The following TSEN15 variants were observed in gnomAD, a reference collection of about 807,000 sequenced individuals.
TSEN15 encodes tRNA-splicing endonuclease subunit Sen15.
A neutral mutation model predicts 20.5 loss-of-function variants in TSEN15; 10 were observed. The ratio of observed to expected loss-of-function variants is 0.49; its 90% confidence interval spans 0.30 to 0.83. The LOEUF (loss-of-function observed/expected upper bound fraction) is 0.83, where lower values mean the gene tolerates loss of function less well. Ranked by LOEUF, TSEN15 falls within the 40% of genes least tolerant of loss-of-function variation. TSEN15 has a pLI of 0.06. For missense variants in TSEN15, 180 were observed against 218.6 expected (o/e 0.82, Z 1.11); for synonymous variants, 72 against 80.1 (o/e 0.90, Z 0.54).
chr1:184,062,949 A>G (rs1305101841), intron 3 of TSEN15, among the ~76,000 whole-genome samples: 2 of 152,124 alleles, frequency 1.3e-5, no homozygotes, highest in Admixed American at 1.3e-4. Context: ...GTTAAGATAC[A>G]GCTTTCTGAA....
chr1:184,062,377 C>G (rs1650489417), intron 3 of TSEN15, among the ~76,000 whole-genome samples: 1 of 152,020 alleles, frequency 6.6e-6, no homozygotes, highest in Admixed American at 6.6e-5. Flanking sequence ...GGTATAAAAT[C>G]ATATTCATAG....
Position 184,070,844 on chromosome 1 carries a change from G to C in TSEN15, c.354-1313G>C, listed in dbSNP as rs1316863613. ...CTAGTTGTAATGCAGTTCAGCATAGGTGGAAATAATTTTTTAAGGACTAAG... is the reference window on the plus strand; with the variant it reads ...CTAGTTGTAATGCAGTTCAGCATAGCTGGAAATAATTTTTTAAGGACTAAG... On this transcript the variant is annotated intron_variant, in intron 3 of 4. Coordinates refer to ENST00000645668, the MANE Select transcript of TSEN15 (RefSeq NM_052965.4). The C allele has an allele frequency of 2.4e-5, 6 of 247,916 alleles. No homozygotes were observed. In the Admixed American group the frequency reaches 3.3e-4, roughly 14 times the overall value. 15.4% of individuals were successfully genotyped at this position (247,916 alleles called of 1,614,324 possible).
At chr1:184,054,222 T>C in intron 1 of TSEN15, 132 bp from the exon 2 acceptor site, 1 of 554,642 alleles carries the variant, frequency 1.8e-6, no homozygotes, top group Non-Finnish European at 3.1e-6. Context: ...TAAGATCTTA[T>C]ATTGCCTTTT....
intron 3 of TSEN15, among the ~76,000 whole-genome samples, chr1:184,083,655 T>A (rs1379221865): frequency 6.6e-6 from 1 of 152,158 alleles, no homozygotes; most frequent in East Asian, 1.9e-4. Flanking sequence ...CCATCCCAAG[T>A]GAGATCATTA....
At chr1:184,055,133 G>A in intron 3 of TSEN15, 1 of 290,134 alleles carries the variant, frequency 3.4e-6, no homozygotes. Flanking sequence ...GCATGGTGCT[G>A]GCATCTACTC....
chr1:184,094,822 G>A (rs571648969), intron 3 of TSEN15: 70 of 388,436 alleles, frequency 1.8e-4, no homozygotes, highest in Non-Finnish European at 2.0e-4. Context: ...AAAATGTCTG[G>A]ACAGTAGGGT....
At chr1:184,071,854 TCC>T (rs1272698916) in intron 3 of TSEN15, among the ~76,000 whole-genome samples, 1 of 151,918 alleles carries the variant, frequency 6.6e-6, no homozygotes, top group African/African-American at 2.4e-5. Flanking sequence ...AAAAACAAGA[TCC>T]AACTATATGC....
chr1:184,053,916 T>C lies in TSEN15; in HGVS notation c.136-438T>C, dbSNP rs1470815082. 2.0e-5 allele frequency among the ~76,000 whole-genome samples: 3 copies of C among 152,246 alleles called. No homozygotes were observed. In the South Asian group the frequency reaches 6.2e-4, roughly 31 times the overall value. On this transcript the variant is annotated intron_variant, in intron 1 of 4. Transcript: ENST00000645668. ...CTCTATTGCTGGCAGATAGGTTTCT[T>C]TACAGGCCCTTGAATGTATGTGGCT...
chr1:184,051,770 C>G lies in TSEN15; in HGVS notation c.15C>G (p.Gly5=), dbSNP rs538849378. The G allele has an allele frequency of 1.1e-5, 16 of 1,499,022 alleles. No homozygotes were observed. In the East Asian group the frequency reaches 3.8e-4, roughly 35 times the overall value. The allele number at this position is 1,499,022 out of a possible 1,614,324, so 92.9% of individuals were successfully genotyped here. A position where few individuals can be genotyped will look rare whatever the true frequency, so the allele number is the denominator to read the frequency against. MEER[G]DSEPTPGCSG... is the part of the protein sequence containing the mutation. ...CACCGGCCGGCATGGAGGAGCGCGG[C>G]GATTCCGAGCCGACCCCCGGCTGCA... The change falls in exon 1 of 5, where the codon GGC becomes GGG. Residue 5 remains glycine (G), a synonymous_variant. Coordinates refer to ENST00000645668, the MANE Select transcript of TSEN15 (RefSeq NM_052965.4).
chr1:184,055,101 A>G (rs1557877498), intron 3 of TSEN15: 1 of 405,216 alleles, frequency 2.5e-6, no homozygotes, highest in African/African-American at 2.0e-5. Flanking sequence ...AGTGGCTCAT[A>G]GTTCTGAAGG....
At chr1:184,056,103 T>TA (rs1173891852) in intron 3 of TSEN15, among the ~76,000 whole-genome samples, 24 of 152,206 alleles carry the variant, frequency 1.6e-4, no homozygotes, top group Admixed American at 6.5e-4. Context: ...CCACCATTTT[T>TA]ACATCCACTC....
chr1:184,091,066 AC>A (rs1210754744), intron 3 of TSEN15, among the ~76,000 whole-genome samples: 16 of 152,306 alleles, frequency 1.1e-4, no homozygotes, highest in African/African-American at 3.1e-4. Flanking sequence ...CATCACCTTT[AC>A]GGAAACGTCA....
At chr1:184,065,642 C>T (rs1361197624) in intron 3 of TSEN15, among the ~76,000 whole-genome samples, 1 of 152,186 alleles carries the variant, frequency 6.6e-6, no homozygotes, top group African/African-American at 2.4e-5. Flanking sequence ...GATTGGCTTT[C>T]ACTCAGCAAT....
downstream of TSEN15, among the ~76,000 whole-genome samples, chr1:184,079,087 T>C (rs572576903): frequency 6.6e-6 from 1 of 152,276 alleles, no homozygotes; most frequent in East Asian, 1.9e-4. Context: ...CAATTTCCCT[T>C]CTTTCTGGCC....
chr1:184,055,069 T>TAAA, intron 3 of TSEN15: 1 of 401,512 alleles, frequency 2.5e-6, no homozygotes, highest in Non-Finnish European at 4.3e-6. Flanking sequence ...AGTAATTTCT[T>TAAA]AAAAAAAAAA....
chr1:184,077,492 G>A (rs370550343), downstream of TSEN15, among the ~76,000 whole-genome samples: 24 of 152,126 alleles, frequency 1.6e-4, no homozygotes, highest in African/African-American at 5.1e-4. Context: ...ATTCAGTAAG[G>A]TCAAGGAGTG....
chr1:184,076,935 T>C (rs1320153478), downstream of TSEN15, among the ~76,000 whole-genome samples: 1 of 152,178 alleles, frequency 6.6e-6, no homozygotes, highest in Non-Finnish European at 1.5e-5. Context: ...AGAAGCTGTC[T>C]TCATAACTTA....
chr1:184,084,099 C>T (rs1301807554), intron 3 of TSEN15, among the ~76,000 whole-genome samples: 1 of 152,120 alleles, frequency 6.6e-6, no homozygotes, highest in Admixed American at 6.5e-5. Flanking sequence ...CTCAGTTTCT[C>T]ATCTGTAAAA....
intron 3 of TSEN15, among the ~76,000 whole-genome samples, chr1:184,081,621 A>G (rs2102901204): frequency 1.3e-5 from 2 of 152,300 alleles, no homozygotes; most frequent in Middle Eastern, 6.8e-3. Flanking sequence ...GGTAGATTTA[A>G]CAACTGGATA....
Sources: allele counts gnomAD v4.1 joint callset (sites outside exome capture counted in the v4.1 genomes callset), GRCh38; gene constraint gnomAD v4.1.1; transcripts MANE v1.5; gene names NCBI Gene and HGNC (gene_info 2026-07-23, HGNC 2026-07-21).